TRHDE: variants seen among roughly 807,000 people sequenced by gnomAD.
The protein encoded by TRHDE is thyrotropin releasing hormone degrading enzyme.
A neutral mutation model predicts 125.7 loss-of-function variants in TRHDE; 72 were observed. The ratio of observed to expected loss-of-function variants is 0.57; its 90% CI spans 0.47 to 0.70. TRHDE has a LOEUF of 0.70. Ranked by LOEUF, TRHDE falls within the 30% of genes least tolerant of loss-of-function variation. The pLI, the probability that TRHDE is intolerant of heterozygous loss-of-function variation, is 0.00. For synonymous variants in TRHDE, 509 were observed against 509.1 expected (o/e 1.00, Z 0.00); for missense variants, 1,110 against 1,327.1 (o/e 0.84, Z 2.54).
intron 2 of TRHDE, among the ~76,000 whole-genome samples, chr12:72,136,977 A>T (rs1251986638): frequency 6.6e-6 from 1 of 152,216 alleles, no homozygotes; most frequent in Non-Finnish European, 1.5e-5. Flanking sequence ...AGGTTTCTGG[A>T]CCACCTGTTA....
chr12:72,446,173 T>C (rs1232734342), intron 3 of TRHDE, among the ~76,000 whole-genome samples: 2 of 150,304 alleles, frequency 1.3e-5, no homozygotes, highest in Non-Finnish European at 3.0e-5. Context: ...TTTTTATACT[T>C]TAAGTTCTAG....
chr12:72,093,989 G>T (rs746671801), intron 1 of TRHDE, among the ~76,000 whole-genome samples: 5 of 152,176 alleles, frequency 3.3e-5, no homozygotes, highest in Non-Finnish European at 7.3e-5. Flanking sequence ...AAGACCTTCT[G>T]TCAGGTCCCT....
rs558241306 is a variant in TRHDE, at chr12:72,391,645, G to A, written c.1315+13524G>A. Among the ~76,000 whole-genome samples, 15 of 152,114 alleles carry A rather than the reference G, an allele frequency of 9.9e-5. No individual in the cohort carries two copies. In the South Asian group the frequency reaches 1.0e-3, roughly 11 times the overall value. The stretch of plus-strand genomic sequence containing the variant: ...ATTTTACAGACTGAAAAATATTCAC[G>A]AAGCCATAAAATAATTGGTAGGTTG... On this transcript the variant is annotated intron_variant, in intron 3 of 18. Transcript: ENST00000261180.
intron 5 of TRHDE, among the ~76,000 whole-genome samples, chr12:72,486,562 C>G (rs1187482613): frequency 1.3e-5 from 2 of 152,072 alleles, no homozygotes; most frequent in Admixed American, 1.3e-4. Context: ...TAGATAACAA[C>G]TGAAGAAGCT....
At chr12:72,203,823 G>A (rs1877611600) in intron 2 of TRHDE, among the ~76,000 whole-genome samples, 1 of 152,134 alleles carries the variant, frequency 6.6e-6, no homozygotes, top group South Asian at 2.1e-4. Context: ...TCGGTTGCAA[G>A]TCTCCACATA....
At chr12:72,382,639 G>A (rs1458794392) in intron 3 of TRHDE, among the ~76,000 whole-genome samples, 1 of 152,146 alleles carries the variant, frequency 6.6e-6, no homozygotes, top group African/African-American at 2.4e-5. Context: ...CTACCAGTTG[G>A]CCTGACCTGA....
Position 72,272,650 on chromosome 12 carries a change from C to T in TRHDE, c.7C>T (p.Leu3=). MA[L]DGELGEQEEE... Reference sequence around the variant, plus strand: ...AGGAGGAGGAGGCGGTGTGATGGCCCTGGACGGCGAGCTGGGGGAGCAAGA... The same window carrying T: ...AGGAGGAGGAGGCGGTGTGATGGCCTTGGACGGCGAGCTGGGGGAGCAAGA... Residue 3 remains leucine, a synonymous_variant, in exon 1 of 19, where the codon CTG becomes TTG. Transcript: ENST00000261180. The surrounding 1 kb of genome is among the most constrained non-coding windows in gnomAD (Gnocchi z 6.7). The T allele has an allele frequency of 1.5e-5, 18 of 1,177,472 alleles. 1 individual carries two copies. The highest frequency in any genetic ancestry group is 2.1e-5 in the Non-Finnish European group (18 of 870,358). 72.9% of individuals were successfully genotyped at this position (1,177,472 alleles called of 1,614,324 possible).
chr12:72,553,962 C>T (rs1869801995), intron 7 of TRHDE, among the ~76,000 whole-genome samples: 1 of 151,718 alleles, frequency 6.6e-6, no homozygotes, highest in Non-Finnish European at 1.5e-5. Flanking sequence ...CATCTCCTGC[C>T]TCAGCCTCCT....
At chr12:72,544,882 A>G (rs1869337637) in intron 7 of TRHDE, among the ~76,000 whole-genome samples, 1 of 150,690 alleles carries the variant, frequency 6.6e-6, no homozygotes, top group South Asian at 2.1e-4. Context: ...CTACATTTTC[A>G]ATTTTTTGTA....
rs551114687 is a variant in TRHDE, at chr12:72,415,062, G to A, written c.1315+36941G>A. Among the ~76,000 whole-genome samples, 20 of 152,150 alleles carry A rather than the reference G, an allele frequency of 1.3e-4. No homozygotes were observed. The East Asian group carries it at 1.5e-3, about 12-fold the overall frequency. On this transcript the variant is annotated intron_variant, in intron 3 of 18. Transcript: ENST00000261180. ...CTACTGTTCGTTGGTTCATGAATCC[G>A]TATTTTAGTATTTTGGAAGTGGAGT... is the stretch of plus-strand genomic sequence containing the variant.
chr12:72,564,527 C>A (rs1870337341), intron 9 of TRHDE, among the ~76,000 whole-genome samples: 1 of 152,030 alleles, frequency 6.6e-6, no homozygotes, highest in South Asian at 2.1e-4. Flanking sequence ...CTATAACATA[C>A]ATCAGATGTA....
intron 2 of TRHDE, among the ~76,000 whole-genome samples, chr12:72,144,153 G>A (rs1876175576): frequency 6.6e-6 from 1 of 152,214 alleles, no homozygotes; most frequent in Admixed American, 6.5e-5. Context: ...GAGAGAAACA[G>A]TGAGGAGAGG....
intron 2 of TRHDE, among the ~76,000 whole-genome samples, chr12:72,192,150 T>C (rs1322647065): frequency 6.6e-6 from 1 of 152,084 alleles, no homozygotes; most frequent in African/African-American, 2.4e-5. Context: ...TTATGTAATA[T>C]TAGAGGAGAT....
At position 72,378,985 on chromosome 12, in the gene TRHDE, C is replaced by G. The variant is rs553373336; in HGVS notation, c.1315+864C>G. ...CCTGTTTTGAAATATTACATCACAA[C>G]AGTCCTTTGCTCCCCTCTCTTCCCT... is the stretch of plus-strand genomic sequence containing the variant. On this transcript the variant is annotated intron_variant, in intron 3 of 18. Coordinates refer to ENST00000261180, the MANE Select transcript of TRHDE (RefSeq NM_013381.3). Among the ~76,000 whole-genome samples the G allele has an allele frequency of 6.6e-5, 10 of 152,296 alleles. No individual in the cohort carries two copies. The South Asian group carries it at 2.1e-3, about 32-fold the overall frequency.
At chr12:72,106,219 G>C (rs1473625778) in intron 2 of TRHDE, among the ~76,000 whole-genome samples, 1 of 151,994 alleles carries the variant, frequency 6.6e-6, no homozygotes, top group Non-Finnish European at 1.5e-5. Context: ...TCCTGAAAAA[G>C]TGAAACTAAC....
intron 2 of TRHDE, among the ~76,000 whole-genome samples, chr12:72,196,859 C>A: frequency 6.6e-6 from 1 of 152,082 alleles, no homozygotes; most frequent in East Asian, 1.9e-4. Flanking sequence ...CCAAATCTCC[C>A]TCCAGATATT....
At chr12:72,633,628 C>A (rs1374880024) in intron 15 of TRHDE, among the ~76,000 whole-genome samples, 1 of 152,078 alleles carries the variant, frequency 6.6e-6, no homozygotes, top group East Asian at 1.9e-4. Flanking sequence ...GATCTTTCCA[C>A]CCATCACTGA....
At chr12:72,285,105 A>G (rs1371723984) in intron 1 of TRHDE, among the ~76,000 whole-genome samples, 2 of 152,214 alleles carry the variant, frequency 1.3e-5, no homozygotes, top group Admixed American at 1.3e-4. Flanking sequence ...GAGGCCCTCA[A>G]TGATCAATGT....
intron 3 of TRHDE, among the ~76,000 whole-genome samples, chr12:72,418,614 A>C (rs1335025497): frequency 6.6e-6 from 1 of 152,112 alleles, no homozygotes; most frequent in Non-Finnish European, 1.5e-5. Flanking sequence ...AGACTGGTAA[A>C]TTGATTTCCC....
Sources: allele counts gnomAD v4.1 joint callset (sites outside exome capture counted in the v4.1 genomes callset), GRCh38; gene constraint gnomAD v4.1.1; non-coding constraint Gnocchi (gnomAD v3.1); transcripts MANE v1.5; gene names NCBI Gene and HGNC (gene_info 2026-07-23, HGNC 2026-07-21).